Variants in GRM7 observed in about 807,000 individuals in gnomAD.
GRM7 encodes glutamate metabotropic receptor 7.
A neutral mutation model predicts 84.5 loss-of-function variants in GRM7; 35 were observed. The observed-to-expected ratio is 0.41, with a 90% CI of 0.32 to 0.55. GRM7 has a LOEUF of 0.55. Ranked by LOEUF, GRM7 falls within the 20% of genes least tolerant of loss-of-function variation. GRM7 has a pLI of 0.19. For missense variants in GRM7, 1,003 were observed against 1,194.6 expected, an observed-to-expected ratio of 0.84 and a Z score of 2.36; for synonymous variants, 487 against 455.1, an observed-to-expected ratio of 1.07 and a Z score of -0.89.
intron 2 of GRM7, among the ~76,000 whole-genome samples, chr3:7,222,526 G>A (rs1213903764): frequency 6.6e-6 from 1 of 152,076 alleles, no homozygotes; most frequent in Non-Finnish European, 1.5e-5. Flanking sequence ...AATGAGTTTA[G>A]AAGTAAATTC....
chr3:7,483,619 G>A (rs1177686671), intron 7 of GRM7, among the ~76,000 whole-genome samples: 1 of 152,218 alleles, frequency 6.6e-6, no homozygotes, highest in Non-Finnish European at 1.5e-5. Context: ...AAGCCGTGTA[G>A]TGATTATAAT....
chr3:7,087,859 G>A (rs1315307196), intron 1 of GRM7, among the ~76,000 whole-genome samples: 1 of 152,180 alleles, frequency 6.6e-6, no homozygotes, highest in African/African-American at 2.4e-5. Flanking sequence ...GACTTTATTA[G>A]TGTTGTTATG....
intron 4 of GRM7, among the ~76,000 whole-genome samples, chr3:7,393,173 C>G (rs1362968142): frequency 6.6e-6 from 1 of 152,082 alleles, no homozygotes; most frequent in African/African-American, 2.4e-5. Flanking sequence ...TGGCCATGCC[C>G]CTTCTCCCCT....
chr3:7,073,538 A>G (rs1697956831), intron 1 of GRM7, among the ~76,000 whole-genome samples: 1 of 152,138 alleles, frequency 6.6e-6, no homozygotes, highest in African/African-American at 2.4e-5. Context: ...TGATTTTCAG[A>G]TCAGATTTCA....
intron 7 of GRM7, among the ~76,000 whole-genome samples, chr3:7,498,719 T>A (rs918320160): frequency 6.6e-6 from 1 of 152,206 alleles, no homozygotes; most frequent in African/African-American, 2.4e-5. Context: ...ATTTGAGACA[T>A]CGCCTAGTTC....
chr3:6,957,519 A>C (rs1432085804), intron 1 of GRM7, among the ~76,000 whole-genome samples: 1 of 152,224 alleles, frequency 6.6e-6, no homozygotes, highest in Non-Finnish European at 1.5e-5. Flanking sequence ...ATCTTGCATA[A>C]AATATTTTAA....
chr3:7,644,019 T>C (rs56135364), intron 8 of GRM7, among the ~76,000 whole-genome samples: 35,627 of 88,626 alleles, frequency 0.4, 4,391 homozygotes, highest in Middle Eastern at 0.54. Flanking sequence ...TATATATATA[T>C]ACACACACAC....
chr3:7,726,631 A>C (rs370019303), intron 9 of GRM7, among the ~76,000 whole-genome samples: 13,683 of 79,134 alleles, frequency 0.17, 1,624 homozygotes, highest in Non-Finnish European at 0.18. Flanking sequence ...ATATATATAT[A>C]TATATATATA....
At chr3:7,114,845 A>G (rs1346614182) in intron 1 of GRM7, among the ~76,000 whole-genome samples, 1 of 152,100 alleles carries the variant, frequency 6.6e-6, no homozygotes, top group Non-Finnish European at 1.5e-5. Context: ...TTTTCCTTTC[A>G]TCGCTGATCT....
In GRM7 at chr3:7,607,750, T is replaced by TTTTC. The variant is rs1553624015; in HGVS notation, c.2451+28393_2451+28394insTTTC. On this transcript the variant is annotated intron_variant, in intron 8 of 9. Coordinates refer to ENST00000357716, the MANE Select transcript of GRM7 (RefSeq NM_000844.4). ...TTTCCTTTTTTTTTTTTTTTTTTTT[T>TTTTC]AGGTTTGGGGGTATATGTGAAACTT... 577 of 148,292 alleles carry TTTTC rather than the reference T, an allele frequency of 3.9e-3. 10 individuals carry two copies. Among genetic ancestry groups the TTTTC allele is most frequent in the African/African-American group, 0.014 (553 of 39,668 alleles). The allele number at this position is 148,292 out of a possible 1,614,324, so 9.2% of individuals were successfully genotyped here. A position where few individuals can be genotyped will look rare whatever the true frequency, so the allele number is the denominator to read the frequency against.
At chr3:6,869,382 G>A (rs1172921121) in intron 1 of GRM7, among the ~76,000 whole-genome samples, 1 of 152,130 alleles carries the variant, frequency 6.6e-6, no homozygotes, top group Admixed American at 6.5e-5. Flanking sequence ...ACTGAGATTA[G>A]CATGTTTAAT....
chr3:7,619,397 A>G (rs1697256180), intron 8 of GRM7, among the ~76,000 whole-genome samples: 1 of 151,870 alleles, frequency 6.6e-6, no homozygotes, highest in African/African-American at 2.4e-5. Flanking sequence ...AGTTAAGGAG[A>G]AATGGGCGGA....
intron 2 of GRM7, among the ~76,000 whole-genome samples, chr3:7,289,420 C>A (rs116668763): frequency 0.033 from 4,969 of 152,216 alleles, 159 homozygotes; most frequent in African/African-American, 0.084. Flanking sequence ...GAAAAGTAAA[C>A]TGGTTCAACC....
chr3:7,304,352 C>CT (rs147256322), intron 3 of GRM7, among the ~76,000 whole-genome samples: 1,354 of 115,848 alleles, frequency 0.012, 28 homozygotes, highest in African/African-American at 0.039. Flanking sequence ...AATATCATTT[C>CT]TTTTTTTTTT....
intron 7 of GRM7, among the ~76,000 whole-genome samples, chr3:7,527,713 G>GT (rs1320362950): frequency 4.0e-5 from 6 of 151,868 alleles, no homozygotes; most frequent in Admixed American, 1.3e-4. Flanking sequence ...TTGATGCCTA[G>GT]TTTTTTAGAG....
chr3:7,493,014 G>T (rs1411156894), intron 7 of GRM7, among the ~76,000 whole-genome samples: 2 of 151,852 alleles, frequency 1.3e-5, no homozygotes, highest in African/African-American at 4.8e-5. Flanking sequence ...TTTTCTGTTT[G>T]ATTTCATTGC....
At chr3:7,317,015 G>A (rs1308353186) in intron 4 of GRM7, among the ~76,000 whole-genome samples, 1 of 152,096 alleles carries the variant, frequency 6.6e-6, no homozygotes, top group Non-Finnish European at 1.5e-5. Flanking sequence ...ATAATTTATT[G>A]GAAACCAGGT....
intron 1 of GRM7, among the ~76,000 whole-genome samples, chr3:7,064,505 C>CACATATACATATATATATACACATAT (rs1553612672): frequency 0.016 from 1,626 of 100,844 alleles, 78 homozygotes; most frequent in African/African-American, 0.058. Context: ...TATATATACA[C>CACATATACATATATATATACACATAT]ATATATATAT....
chr3:7,263,933 G>T (rs1372954481), intron 2 of GRM7, among the ~76,000 whole-genome samples: 3 of 152,112 alleles, frequency 2.0e-5, no homozygotes. Context: ...TGATGTGGGG[G>T]GTGGCCGTGG....
Sources: gnomAD v4.1 joint callset for allele counts (sites outside exome capture counted in the v4.1 genomes callset) on GRCh38, gnomAD v4.1.1 for gene constraint, MANE v1.5 for transcripts, NCBI Gene and HGNC (gene_info 2026-07-23, HGNC 2026-07-21) for gene names.